Variants in FAM13B observed in about 807,000 individuals in gnomAD.
FAM13B encodes the protein family with sequence similarity 13 member B, also known as protein FAM13B.
A neutral mutation model predicts 117.3 loss-of-function variants in FAM13B; 60 were observed. The ratio of observed to expected loss-of-function variants is 0.51; its 90% CI spans 0.42 to 0.63. The LOEUF is 0.63. FAM13B is among the 30% of genes least tolerant of loss of function. The pLI, the probability that FAM13B is intolerant of heterozygous loss-of-function variation, is 0.00. For synonymous variants in FAM13B, 332 were observed against 356.1 expected (o/e 0.93, Z 0.76); for missense variants, 972 against 1,091.9 (o/e 0.89, Z 1.55).
rs1352936319 is a variant in FAM13B, at chr5:137,949,034, G to A, written c.2081C>T (p.Ser694Phe). The A allele has an allele frequency of 6.2e-7, 1 of 1,614,024 alleles. No homozygotes were observed. The highest frequency in any genetic ancestry group is 2.2e-5 in the East Asian group (1 of 44,866). ...PKVIQKEKKP[S>F]KEATLELILK... The stretch of plus-strand genomic sequence containing the variant: ...AATAAGTTCAAGGGTTGCTTCTTTA[G>A]ATGGTTTTTTCTCCTTCTGAATGAC... Residue 694 changes from serine to phenylalanine, a missense_variant, in exon 18 of 24, where the codon TCT becomes TTT. Ser to Phe is a radical substitution (Grantham distance 155, BLOSUM62 -2). Transcript: ENST00000689681.
chr5:137,969,443 A>G (rs1304600594), intron 10 of FAM13B, among the ~76,000 whole-genome samples: 1 of 152,218 alleles, frequency 6.6e-6, no homozygotes, highest in Non-Finnish European at 1.5e-5. Context: ...GGACATCCAC[A>G]CCAAAAACCC....
intron 10 of FAM13B, among the ~76,000 whole-genome samples, chr5:137,977,640 T>C (rs1336407999): frequency 6.6e-6 from 1 of 152,054 alleles, no homozygotes; most frequent in African/African-American, 2.4e-5. Context: ...GTGCTGGGAT[T>C]ACAGCTGGGA....
At chr5:138,013,483 A>G (rs567353768) in intron 4 of FAM13B, among the ~76,000 whole-genome samples, 4 of 147,360 alleles carry the variant, frequency 2.7e-5, no homozygotes, top group Non-Finnish European at 6.0e-5. Context: ...CCTGGGGGAC[A>G]GAGCAAGACT....
In FAM13B at chr5:137,959,630, C is replaced by T; in HGVS notation, c.1427G>A (p.Gly476Asp). Residue 476 changes from glycine (G) to aspartate (D), a missense_variant, in exon 13 of 24, where the codon GGT becomes GAT. Gly to Asp is a moderately conservative substitution (Grantham distance 94). Coordinates refer to ENST00000689681, the MANE Select transcript of FAM13B (RefSeq NM_001385994.1). Reference sequence around the variant, plus strand: ...GGTAAAATTACCTTCCCATTTATCACCATCAGAAACATTCTTCAGATCTAA... The same window carrying T: ...GGTAAAATTACCTTCCCATTTATCATCATCAGAAACATTCTTCAGATCTAA... ...PHLDLKNVSDGDKWEASCPIT... is the reference protein window; with the variant it reads ...PHLDLKNVSDDDKWEASCPIT... 6.2e-7 allele frequency: 1 copy of T among 1,613,794 alleles called. No homozygotes were observed. The highest frequency in any genetic ancestry group is 8.5e-7 in the Non-Finnish European group (1 of 1,179,788).
At chr5:137,970,472 G>C (rs1771741450) in intron 10 of FAM13B, among the ~76,000 whole-genome samples, 1 of 151,980 alleles carries the variant, frequency 6.6e-6, no homozygotes, top group Admixed American at 6.6e-5. Flanking sequence ...GCTAAACATG[G>C]AAAGGAACAA....
At chr5:138,001,810 G>T (rs1376599700) in intron 7 of FAM13B, among the ~76,000 whole-genome samples, 1 of 152,114 alleles carries the variant, frequency 6.6e-6, no homozygotes, top group Non-Finnish European at 1.5e-5. Flanking sequence ...GCTATCTAGT[G>T]GCACATCTAT....
At chr5:137,982,954 A>G (rs970240644) in intron 10 of FAM13B, among the ~76,000 whole-genome samples, 1 of 152,162 alleles carries the variant, frequency 6.6e-6, no homozygotes, top group Admixed American at 6.6e-5. Flanking sequence ...CTAGTTGGAT[A>G]TAGCAATCTA....
At chr5:137,970,305 T>C (rs573629433) in intron 10 of FAM13B, among the ~76,000 whole-genome samples, 1 of 152,098 alleles carries the variant, frequency 6.6e-6, no homozygotes, top group Non-Finnish European at 1.5e-5. Context: ...GGGCCAATAT[T>C]CAACATTCTT....
At chr5:137,952,251 T>C (rs1765239014) in intron 17 of FAM13B, among the ~76,000 whole-genome samples, 2 of 152,172 alleles carry the variant, frequency 1.3e-5, no homozygotes, top group Non-Finnish European at 2.9e-5. Flanking sequence ...TAGTCTTAGA[T>C]GAAAATACCT....
At chr5:137,951,280 T>C (rs1397319832) in intron 17 of FAM13B, among the ~76,000 whole-genome samples, 1 of 139,534 alleles carries the variant, frequency 7.2e-6, no homozygotes, top group East Asian at 2.4e-4. Flanking sequence ...GAATATAAAC[T>C]CCATGACAGC....
At chr5:138,026,099 A>G (rs1451380712) in intron 1 of FAM13B, among the ~76,000 whole-genome samples, 5 of 152,190 alleles carry the variant, frequency 3.3e-5, no homozygotes, top group Non-Finnish European at 4.4e-5. Context: ...CACTATTTCA[A>G]AGACTTTAAC....
chr5:137,994,676 G>A (rs1415355607), intron 7 of FAM13B, among the ~76,000 whole-genome samples: 1 of 152,096 alleles, frequency 6.6e-6, no homozygotes, highest in African/African-American at 2.4e-5. Context: ...CCTAGACAAG[G>A]AAGCCTTGAC....
intron 10 of FAM13B, among the ~76,000 whole-genome samples, chr5:137,966,307 C>T (rs1769727410): frequency 6.6e-6 from 1 of 151,262 alleles, no homozygotes; most frequent in Non-Finnish European, 1.5e-5. Flanking sequence ...CGTGGTGGTA[C>T]ACGCCTGTAA....
At chr5:138,013,601 T>A (rs560860584) in intron 4 of FAM13B, among the ~76,000 whole-genome samples, 1 of 152,344 alleles carries the variant, frequency 6.6e-6, no homozygotes, top group South Asian at 2.1e-4. Context: ...TTCTATACTT[T>A]GTAATATTAC....
At chr5:137,946,347 A>AT in intron 18 of FAM13B, 36 bp from the exon 19 acceptor site, 1 of 1,416,598 alleles carries the variant, frequency 7.1e-7, no homozygotes, top group South Asian at 1.3e-5. Context: ...AAATACAAAA[A>AT]AAAAAAAACA....
At chr5:138,015,788 ACT>A (rs1357559033) in intron 4 of FAM13B, among the ~76,000 whole-genome samples, 1 of 152,224 alleles carries the variant, frequency 6.6e-6, no homozygotes, top group Non-Finnish European at 1.5e-5. Context: ...TCCCAAAATA[ACT>A]AAATGAATGA....
chr5:137,946,355 AC>A, intron 18 of FAM13B, 44 bp from the exon 19 acceptor site: 5 of 1,324,538 alleles, frequency 3.8e-6, no homozygotes, highest in East Asian at 2.3e-5. Context: ...AAAAAAAAAA[AC>A]AAAAACAAAA....
At chr5:137,949,865 G>C (rs1764460973) in intron 17 of FAM13B, among the ~76,000 whole-genome samples, 1 of 151,972 alleles carries the variant, frequency 6.6e-6, no homozygotes, top group African/African-American at 2.4e-5. Flanking sequence ...GGGAGGCTGG[G>C]GTGGGAAGAC....
intron 7 of FAM13B, among the ~76,000 whole-genome samples, chr5:137,989,854 G>GT (rs1778159086): frequency 2.0e-5 from 3 of 151,750 alleles, no homozygotes. Context: ...AACAACTAAA[G>GT]TTTTTTGGAA....
Sources: allele counts gnomAD v4.1 joint callset (sites outside exome capture counted in the v4.1 genomes callset), GRCh38; gene constraint gnomAD v4.1.1; transcripts MANE v1.5; gene names NCBI Gene and HGNC (gene_info 2026-07-23, HGNC 2026-07-21).